MAP3K20: variants seen among roughly 807,000 people sequenced by gnomAD.
MAP3K20 encodes the protein HCCS-4.
In MAP3K20, 40 loss-of-function variants were observed where a neutral mutation model predicts 85.7. That is an observed-to-expected ratio of 0.47 (90% CI 0.36 to 0.61). The LOEUF is 0.61. MAP3K20 is among the 20% of genes least tolerant of loss of function. The pLI, the probability that MAP3K20 is intolerant of heterozygous loss-of-function variation, is 0.00. For missense variants in MAP3K20, 817 were observed against 961.7 expected (o/e 0.85, Z 1.99); for synonymous variants, 325 against 327.7 (o/e 0.99, Z 0.09).
At chr2:173,186,814 C>T (rs770251425) in intron 4 of MAP3K20, among the ~76,000 whole-genome samples, 3 of 151,672 alleles carry the variant, frequency 2.0e-5, no homozygotes, top group Non-Finnish European at 2.9e-5. Context: ...AAGGTGGTAA[C>T]CATAAAATGT....
chr2:173,127,999 A>G (rs2106196243), intron 2 of MAP3K20, among the ~76,000 whole-genome samples: 1 of 152,342 alleles, frequency 6.6e-6, no homozygotes, highest in South Asian at 2.1e-4. Flanking sequence ...CCATGCACAC[A>G]CACATTATTT....
chr2:173,254,373 G>C (rs1685112151), intron 16 of MAP3K20, among the ~76,000 whole-genome samples: 2 of 148,984 alleles, frequency 1.3e-5, no homozygotes, highest in Non-Finnish European at 3.0e-5. Context: ...GGTGGAGCTT[G>C]CAGTGAGCCA....
chr2:173,197,774 G>T (rs181037364), intron 7 of MAP3K20: 2,672 of 203,450 alleles, frequency 0.013, 35 homozygotes, highest in Middle Eastern at 0.026. Flanking sequence ...AGGCCCATTG[G>T]TTTCATAAAA....
intron 7 of MAP3K20, among the ~76,000 whole-genome samples, chr2:173,197,147 A>G (rs1690871166): frequency 2.0e-5 from 3 of 152,200 alleles, no homozygotes; most frequent in Non-Finnish European, 4.4e-5. Context: ...TGCACTTTAC[A>G]GAGTATTGGT....
At chr2:173,263,594 C>CAGCA (rs1368104065) in intron 18 of MAP3K20, 151 bp from the exon 19 acceptor site, 1 of 728,822 alleles carries the variant, frequency 1.4e-6, no homozygotes, top group Non-Finnish European at 2.1e-6. Flanking sequence ...AGAATATTTT[C>CAGCA]CTAGTGCATT....
At chr2:173,190,689 G>A (rs932460811) in intron 5 of MAP3K20, among the ~76,000 whole-genome samples, 2 of 152,130 alleles carry the variant, frequency 1.3e-5, no homozygotes, top group African/African-American at 2.4e-5. Context: ...TGTCTCAGAA[G>A]CCTTTTTAAT....
chr2:173,202,292 TTTTTCAACTTTGTTTTGA>T (rs1691093484), intron 8 of MAP3K20, among the ~76,000 whole-genome samples: 1 of 152,202 alleles, frequency 6.6e-6, no homozygotes, highest in South Asian at 2.1e-4. Context: ...AGTTGTTTTG[TTTTTCAACTTTGTTTTGA>T]TTTTAGGATT....
Position 173,109,067 on chromosome 2 carries a change from CAGAAT to C in MAP3K20, c.159+17878_159+17882del, listed in dbSNP as rs1219958749. On this transcript the variant is annotated intron_variant, in intron 2 of 19. Coordinates refer to ENST00000375213, the MANE Select transcript of MAP3K20 (RefSeq NM_016653.3). ...CTCTCCTAGAATGTCATTGATGGCC[CAGAAT>C]TTTAATCTCCTTACTTCTCTTTTTT... Among the ~76,000 whole-genome samples, 4 of 152,294 alleles carry C rather than the reference CAGAAT, an allele frequency of 2.6e-5. No homozygotes were observed. In the East Asian group the frequency reaches 5.8e-4, roughly 22 times the overall value.
intron 10 of MAP3K20, chr2:173,210,078 G>C: frequency 4.4e-6 from 2 of 451,470 alleles, no homozygotes; most frequent in Non-Finnish European, 8.1e-6. Flanking sequence ...GAGGCCGGTC[G>C]CGGTGGCTCA....
chr2:173,175,435 A>C (rs899529163), intron 3 of MAP3K20, among the ~76,000 whole-genome samples: 4 of 152,174 alleles, frequency 2.6e-5, no homozygotes, highest in Non-Finnish European at 5.9e-5. Context: ...ACTTGTCCTT[A>C]TGAATAATGA....
chr2:173,238,224 GATTT>G (rs1684697737), intron 14 of MAP3K20, 145 bp from the exon 15 acceptor site: 4 of 697,950 alleles, frequency 5.7e-6, no homozygotes, highest in Non-Finnish European at 9.5e-6. Context: ...TGGACAATGA[GATTT>G]ATTCTAAATA....
intron 9 of MAP3K20, among the ~76,000 whole-genome samples, chr2:173,205,102 CAAAAA>C (rs1191556180): frequency 7.4e-5 from 4 of 54,010 alleles, no homozygotes; most frequent in African/African-American, 2.0e-4. Flanking sequence ...GACTCTGTCT[CAAAAA>C]AAAAAAAAAA....
At chr2:173,220,067 CAA>C (rs71018543) in intron 11 of MAP3K20, among the ~76,000 whole-genome samples, 2 of 114,208 alleles carry the variant, frequency 1.8e-5, no homozygotes, top group African/African-American at 3.6e-5. Flanking sequence ...GACTCTGTCT[CAA>C]AAAAAAAAAG....
intron 14 of MAP3K20, among the ~76,000 whole-genome samples, chr2:173,232,861 G>A (rs1302068071): frequency 6.6e-6 from 1 of 152,186 alleles, no homozygotes; most frequent in Non-Finnish European, 1.5e-5. Context: ...GTTAGGGGCT[G>A]CAGATGGAAA....
chr2:173,079,216 A>G (rs914177312), intron 1 of MAP3K20, among the ~76,000 whole-genome samples: 2 of 152,224 alleles, frequency 1.3e-5, no homozygotes, highest in African/African-American at 2.4e-5. Flanking sequence ...GTTGTAACAC[A>G]GTAATAAGTA....
chr2:173,235,262 C>T (rs1309286452), intron 14 of MAP3K20, among the ~76,000 whole-genome samples: 2 of 152,182 alleles, frequency 1.3e-5, no homozygotes, highest in African/African-American at 2.4e-5. Flanking sequence ...GGAGGGGCTA[C>T]GTCCAGATAG....
intron 11 of MAP3K20, chr2:173,224,416 T>C: frequency 2.0e-6 from 2 of 985,464 alleles, no homozygotes; most frequent in East Asian, 1.1e-4. Flanking sequence ...CATAAAGTTC[T>C]GATGCATTAA....
intron 16 of MAP3K20, among the ~76,000 whole-genome samples, chr2:173,241,999 T>A (rs1172820188): frequency 6.6e-6 from 1 of 152,146 alleles, no homozygotes; most frequent in Non-Finnish European, 1.5e-5. Flanking sequence ...CACCCCTAAG[T>A]TCATCTGATG....
At chr2:173,209,632 G>T in intron 9 of MAP3K20, 97 bp from the exon 10 acceptor site, 1 of 934,084 alleles carries the variant, frequency 1.1e-6, no homozygotes, top group East Asian at 2.5e-5. Flanking sequence ...TGTTATGGTG[G>T]GTTGAGTTTA....
Sources: allele counts gnomAD v4.1 joint callset (sites outside exome capture counted in the v4.1 genomes callset), GRCh38; gene constraint gnomAD v4.1.1; transcripts MANE v1.5; gene names NCBI Gene and HGNC (gene_info 2026-07-23, HGNC 2026-07-21).